The following EDA2R variants were observed in gnomAD, a reference collection of about 807,000 sequenced individuals.
EDA2R encodes tumor necrosis factor receptor superfamily member 27.
EDA2R carries 26 observed loss-of-function variants against 20.1 expected under a neutral mutation model. The observed-to-expected ratio is 1.30, with a 90% CI of 0.95 to 1.80. EDA2R has a LOEUF of 1.80. Among genes scored for constraint, EDA2R ranks in the 40% most tolerant of loss-of-function variants. The pLI, the probability that EDA2R is intolerant of heterozygous loss-of-function variation, is 0.00. For synonymous variants in EDA2R, 114 were observed against 88.7 expected (o/e 1.29, Z -1.60); for missense variants, 277 against 228.7 (o/e 1.21, Z -1.36).
Position 66,596,124 on chromosome X carries a change from ACTG to A in EDA2R, c.*1977_*1979del, listed in dbSNP as rs1569214855. On this transcript the variant is annotated 3_prime_UTR_variant, in exon 7 of 7. Transcript: ENST00000374719. ...TGCTAGTTCATTTAGAGACAACTTAACTGCTGTTTAGGCTCAATGTATGTTGAA... is the reference window on the plus strand; with the variant it reads ...TGCTAGTTCATTTAGAGACAACTTAACTGTTTAGGCTCAATGTATGTTGAA... The A allele has an allele frequency of 1.8e-5, 2 of 110,547 alleles. No individual in the cohort carries two copies. Among genetic ancestry groups the A allele is most frequent in the Non-Finnish European group, 3.8e-5 (2 of 52,857 alleles). The allele number at this position is 110,547 out of a possible 1,213,427, so 9.1% of individuals were successfully genotyped here.
intron 1 of EDA2R, among the ~76,000 whole-genome samples, chrX:66,617,583 A>T (rs1931930817): frequency 8.9e-6 from 1 of 111,939 alleles, no homozygotes; most frequent in Non-Finnish European, 1.9e-5. Context: ...GCAGGAACCA[A>T]GAAGTAGCCC....
At chrX:66,603,407 C>A (rs1026279549) in intron 4 of EDA2R, among the ~76,000 whole-genome samples, 2 of 111,123 alleles carry the variant, frequency 1.8e-5, no homozygotes, top group Non-Finnish European at 3.8e-5. Context: ...TCCCTTACAC[C>A]CTTGCAGTAA....
chrX:66,616,073 G>T, intron 1 of EDA2R, 43 bp from the exon 2 acceptor site: 2 of 964,339 alleles, frequency 2.1e-6, no homozygotes, highest in Non-Finnish European at 3.0e-6. Flanking sequence ...AGTGGGAAGG[G>T]ACTATAAGTA....
At chrX:66,611,009 G>A (rs1930646418) in intron 2 of EDA2R, among the ~76,000 whole-genome samples, 1 of 111,299 alleles carries the variant, frequency 9.0e-6, no homozygotes, top group Admixed American at 9.6e-5. Flanking sequence ...GTCGAGCATG[G>A]GAAATGTTCT....
rs1927783238 is a variant in EDA2R, at chrX:66,598,094, C to T, written c.*11-1G>A. ...CAAGGCTGCCAGGGGCCCAAGAGAC[C>T]TAAGGAGAGAGCAAACCAAGTTAGA... On this transcript the variant is annotated splice_acceptor_variant, in intron 6 of 6. Coordinates refer to ENST00000374719, the MANE Select transcript of EDA2R (RefSeq NM_021783.5). LOFTEE classifies it low-confidence loss of function (3UTR_SPLICE). 1 of 931,059 alleles carries T rather than the reference C, an allele frequency of 1.1e-6. No individual in the cohort carries two copies. The highest frequency in any genetic ancestry group is 2.0e-5 in the African/African-American group (1 of 49,241). The allele number at this position is 931,059 out of a possible 1,213,427, so 76.7% of individuals were successfully genotyped here.
chrX:66,623,947 C>T (rs1030411509), intron 1 of EDA2R, among the ~76,000 whole-genome samples: 2 of 112,266 alleles, frequency 1.8e-5, no homozygotes, highest in Non-Finnish European at 3.8e-5. Flanking sequence ...ATCTTATGTA[C>T]TTTATTGCTT....
chrX:66,611,629 T>C (rs1256453304), intron 2 of EDA2R, among the ~76,000 whole-genome samples: 1 of 110,851 alleles, frequency 9.0e-6, no homozygotes, highest in Non-Finnish European at 1.9e-5. Context: ...ACAGAATTTA[T>C]GCAATATGAA....
intron 1 of EDA2R, among the ~76,000 whole-genome samples, chrX:66,634,134 A>G (rs777218838): frequency 8.9e-6 from 1 of 112,325 alleles, no homozygotes; most frequent in South Asian, 3.7e-4. Context: ...CACATCCTTA[A>G]CAAAGGACTG....
chrX:66,613,280 T>A (rs1223933974), intron 2 of EDA2R, among the ~76,000 whole-genome samples: 1 of 111,718 alleles, frequency 9.0e-6, no homozygotes, highest in Non-Finnish European at 1.9e-5. Flanking sequence ...TTAAACGATT[T>A]TTAAAATACT....
At chrX:66,609,546 G>A (rs1930334882) in intron 2 of EDA2R, among the ~76,000 whole-genome samples, 1 of 111,792 alleles carries the variant, frequency 8.9e-6, no homozygotes, top group South Asian at 3.7e-4. Flanking sequence ...TTCCATATCT[G>A]CTTAAAACAG....
intron 2 of EDA2R, among the ~76,000 whole-genome samples, chrX:66,615,259 A>T (rs1228513285): frequency 8.9e-6 from 1 of 112,027 alleles, no homozygotes; most frequent in Non-Finnish European, 1.9e-5. Context: ...GAATAAACAA[A>T]AATTGCATAA....
chrX:66,610,744 A>T (rs1930598446), intron 2 of EDA2R, among the ~76,000 whole-genome samples: 1 of 111,823 alleles, frequency 8.9e-6, no homozygotes, highest in Admixed American at 9.5e-5. Flanking sequence ...AAACCTTATA[A>T]GGGTGCAATA....
chrX:66,609,485 G>C (rs938685362), intron 2 of EDA2R, among the ~76,000 whole-genome samples: 1 of 111,376 alleles, frequency 9.0e-6, no homozygotes, highest in Non-Finnish European at 1.9e-5. Context: ...AAAGTTAAAG[G>C]GTTTCTTGGA....
chrX:66,629,121 C>T (rs1246157543), intron 1 of EDA2R, among the ~76,000 whole-genome samples: 2 of 111,795 alleles, frequency 1.8e-5, no homozygotes, highest in African/African-American at 6.5e-5. Flanking sequence ...GAAGAAAAAG[C>T]ATTCAACAAA....
chrX:66,606,423 ATTTTCC>A (rs1929690735), intron 2 of EDA2R, among the ~76,000 whole-genome samples: 2 of 111,626 alleles, frequency 1.8e-5, no homozygotes, highest in South Asian at 7.6e-4. Context: ...TCATACATTC[ATTTTCC>A]AGTGCATGCT....
In EDA2R at chrX:66,599,520, C is replaced by T; in HGVS notation, c.858G>A (p.Leu286=). ...GAACTTCAAAGGGCACATTGAGCTC[C>T]AGCCTGTCTCCAGTGCTTTCGACTG... ...GNTVESTGDR[L]ELNVPFEVPS... Residue 286 remains leucine, a synonymous_variant, in exon 6 of 7, where the codon CTG becomes CTA. Transcript: ENST00000374719. The T allele has an allele frequency of 8.5e-7, 1 of 1,177,622 alleles. No homozygotes were observed. Among genetic ancestry groups the T allele is most frequent in the Non-Finnish European group, 1.1e-6 (1 of 875,416 alleles).
intron 6 of EDA2R, 123 bp downstream of exon 6, chrX:66,599,351 T>C: frequency 1.2e-6 from 1 of 825,459 alleles, no homozygotes; most frequent in East Asian, 3.6e-5. Context: ...AAAGTGTTCC[T>C]AGCTTGCTGC....
rs1602192921 is a variant in EDA2R at position 66,602,767 on chromosome X, T to C, written c.383A>G (p.Asp128Gly). 2 of 1,194,081 alleles carry C rather than the reference T, an allele frequency of 1.7e-6. No homozygotes were observed. The highest frequency in any genetic ancestry group is 2.3e-6 in the Non-Finnish European group (2 of 886,702). ...CTCCTGAGGGGGCACTGTGGGTGTA[T>C]CTGCCTCCACTAAGCTCAACTGGAA... is the stretch of plus-strand genomic sequence containing the variant. ...CAFQLSLVEA[D>G]TPTVPPQEAT... Residue 128 changes from aspartate (D) to glycine (G), a missense_variant, in exon 5 of 7, where the codon GAT becomes GGT. Asp to Gly is a moderately conservative substitution (Grantham distance 94, BLOSUM62 -1). Transcript: ENST00000374719.
chrX:66,619,439 G>A (rs749117865), intron 1 of EDA2R, among the ~76,000 whole-genome samples: 2 of 112,162 alleles, frequency 1.8e-5, no homozygotes, highest in Non-Finnish European at 3.8e-5. Flanking sequence ...TTGCAAATAA[G>A]TGAGGATGTT....
Sources: gnomAD v4.1 joint callset for allele counts (sites outside exome capture counted in the v4.1 genomes callset) on GRCh38, gnomAD v4.1.1 for gene constraint, MANE v1.5 for transcripts, NCBI Gene and HGNC (gene_info 2026-07-23, HGNC 2026-07-21) for gene names.